SAMD12: variants seen among roughly 807,000 people sequenced by gnomAD.
SAMD12 encodes sterile alpha motif domain-containing protein 12.
In SAMD12, 9 loss-of-function variants were observed where a neutral mutation model predicts 15.0. The observed-to-expected ratio is 0.60, with a 90% CI of 0.36 to 1.05. SAMD12 has a LOEUF of 1.05. Among genes scored for constraint, SAMD12 ranks in the 50% least tolerant of loss-of-function variants. The pLI, the probability that SAMD12 is intolerant of heterozygous loss-of-function variation, is 0.01. For synonymous variants in SAMD12, 86 were observed against 90.1 expected, an observed-to-expected ratio of 0.96 and a Z score of 0.25; for missense variants, 230 against 234.2, an observed-to-expected ratio of 0.98 and a Z score of 0.12.
At chr8:118,154,802 C>G in the SAMD12 span, among the ~76,000 whole-genome samples, 24 of 152,150 alleles carry the variant, frequency 1.6e-4, no homozygotes, top group Non-Finnish European at 3.2e-4. Flanking sequence ...CCAATAAACA[C>G]TTAAAACCTG....
chr8:118,184,774 G>A (rs1819214907), downstream of SAMD12, among the ~76,000 whole-genome samples: 4 of 152,276 alleles, frequency 2.6e-5, no homozygotes, highest in South Asian at 8.3e-4. Context: ...TGGGATTACA[G>A]GCATGAGCCT....
chr8:118,203,785 A>G lies in SAMD12; in HGVS notation c.434-6053T>C, dbSNP rs1170847389. On this transcript the variant is annotated intron_variant, in intron 4 of 4. Transcript: ENST00000409003. The stretch of plus-strand genomic sequence containing the variant: ...TGTGATGTTCCCCTTCCTGTGTCCA[A>G]GTGTTCTCATTGTTCAATTCCCACC... Among the ~76,000 whole-genome samples the G allele has an allele frequency of 1.6e-4, 21 of 130,014 alleles. No homozygotes were observed. In the East Asian group the frequency reaches 5.2e-3, roughly 32 times the overall value. 85.3% of individuals were successfully genotyped at this position (130,014 alleles called of 152,430 possible). A position where few individuals can be genotyped will look rare whatever the true frequency, so the allele number is the denominator to read the frequency against.
chr8:118,287,503 T>A (rs1162951375), intron 4 of SAMD12, among the ~76,000 whole-genome samples: 1 of 152,102 alleles, frequency 6.6e-6, no homozygotes, highest in Admixed American at 6.5e-5. Context: ...TAAAGGAAAA[T>A]CTTTTATTGA....
chr8:118,570,703 C>T (rs1003807318), intron 2 of SAMD12, among the ~76,000 whole-genome samples: 5 of 151,982 alleles, frequency 3.3e-5, no homozygotes, highest in Admixed American at 2.0e-4. Context: ...ATTTATATTC[C>T]TCTGGGTATA....
intron 2 of SAMD12, among the ~76,000 whole-genome samples, chr8:118,576,804 T>C (rs533539082): frequency 1.3e-5 from 2 of 152,322 alleles, no homozygotes; most frequent in South Asian, 4.1e-4. Context: ...AAAGAGGCTG[T>C]GCCTTCTTTG....
At chr8:118,583,064 A>G (rs1827337517) in intron 1 of SAMD12, among the ~76,000 whole-genome samples, 1 of 152,102 alleles carries the variant, frequency 6.6e-6, no homozygotes, top group African/African-American at 2.4e-5. Flanking sequence ...TTCAAATTTT[A>G]TTCTCTTTTC....
intron 4 of SAMD12, among the ~76,000 whole-genome samples, chr8:118,271,158 T>A (rs1813346652): frequency 6.6e-6 from 1 of 152,228 alleles, no homozygotes; most frequent in Admixed American, 6.5e-5. Flanking sequence ...GAGGTTTAAC[T>A]GACTTGACAG....
chr8:118,425,311 A>T (rs961017519), intron 3 of SAMD12, among the ~76,000 whole-genome samples: 5 of 152,086 alleles, frequency 3.3e-5, no homozygotes, highest in Admixed American at 6.6e-5. Context: ...TTGCAATCTG[A>T]CTCCAGTGCT....
intron 4 of SAMD12, among the ~76,000 whole-genome samples, chr8:118,305,627 C>T (rs1023226785): frequency 6.6e-6 from 1 of 152,262 alleles, no homozygotes; most frequent in East Asian, 1.9e-4. Context: ...CTGCTTTCCA[C>T]AGAAGGACAC....
chr8:118,299,931 CATG>C (rs1395368163), intron 4 of SAMD12, among the ~76,000 whole-genome samples: 1 of 152,136 alleles, frequency 6.6e-6, no homozygotes, highest in African/African-American at 2.4e-5. Flanking sequence ...TGGTTCATCT[CATG>C]ATGACATGAA....
At chr8:118,595,382 A>C (rs1009809778) in intron 1 of SAMD12, among the ~76,000 whole-genome samples, 1 of 152,238 alleles carries the variant, frequency 6.6e-6, no homozygotes, top group Non-Finnish European at 1.5e-5. Flanking sequence ...TAAAGAATCC[A>C]CTCGGAAAGA....
At chr8:118,601,895 C>T (rs1237825705) in intron 1 of SAMD12, among the ~76,000 whole-genome samples, 1 of 152,146 alleles carries the variant, frequency 6.6e-6, no homozygotes, top group Non-Finnish European at 1.5e-5. Context: ...AGGGACGTCT[C>T]TCCATTCTAA....
chr8:118,326,492 T>TAC (rs1446436210), intron 4 of SAMD12, among the ~76,000 whole-genome samples: 1 of 152,156 alleles, frequency 6.6e-6, no homozygotes, highest in African/African-American at 2.4e-5. Context: ...GGATGACAAG[T>TAC]ACCCAAGAAC....
chr8:118,207,488 C>G (rs1267741178), intron 4 of SAMD12, among the ~76,000 whole-genome samples: 2 of 152,078 alleles, frequency 1.3e-5, no homozygotes, highest in Non-Finnish European at 2.9e-5. Context: ...TGGCACAAAA[C>G]AGCATAAAAA....
rs568911480 is a variant in SAMD12 at position 118,420,343 on chromosome 8, T to C, written c.322+19489A>G. Reference sequence around the variant, plus strand: ...AGGTAGAAGAATTCACAGTACAACCTAATAATCTGGGCCATGGACCCAGCC... The same window carrying C: ...AGGTAGAAGAATTCACAGTACAACCCAATAATCTGGGCCATGGACCCAGCC... On this transcript the variant is annotated intron_variant, in intron 3 of 3. Transcript: ENST00000314727. 3.7e-4 allele frequency among the ~76,000 whole-genome samples: 57 copies of C among 152,244 alleles called. 2 individuals carry two copies. In the South Asian group the frequency reaches 0.012, roughly 31 times the overall value.
At chr8:118,211,957 A>G (rs1208152920) in intron 4 of SAMD12, among the ~76,000 whole-genome samples, 2 of 152,162 alleles carry the variant, frequency 1.3e-5, no homozygotes, top group Non-Finnish European at 2.9e-5. Context: ...AAATTCTTCC[A>G]TTTGGCAGCT....
At chr8:118,551,229 T>C (rs1005021394) in intron 2 of SAMD12, among the ~76,000 whole-genome samples, 2 of 152,094 alleles carry the variant, frequency 1.3e-5, no homozygotes, top group African/African-American at 2.4e-5. Flanking sequence ...ATACATTTTT[T>C]TCAGCACCAC....
intron 4 of SAMD12, among the ~76,000 whole-genome samples, chr8:118,292,732 T>A (rs1033895763): frequency 6.6e-6 from 1 of 151,958 alleles, no homozygotes; most frequent in African/African-American, 2.4e-5. Context: ...TAAAAAATGA[T>A]GAGTTCATGT....
the SAMD12 span, among the ~76,000 whole-genome samples, chr8:118,143,283 A>T: frequency 6.6e-6 from 1 of 152,218 alleles, no homozygotes; most frequent in African/African-American, 2.4e-5. Flanking sequence ...AGAATTAGTT[A>T]TATAGGACCC....
Sources: allele counts gnomAD v4.1 joint callset (sites outside exome capture counted in the v4.1 genomes callset), GRCh38; gene constraint gnomAD v4.1.1; transcripts MANE v1.5; gene names NCBI Gene and HGNC (gene_info 2026-07-23, HGNC 2026-07-21).